The following ZSWIM5 variants were observed in gnomAD, a reference collection of about 807,000 sequenced individuals.
ZSWIM5 encodes the protein zinc finger SWIM domain-containing protein 5.
A neutral mutation model predicts 119.6 loss-of-function variants in ZSWIM5; 55 were observed. The ratio of observed to expected loss-of-function variants is 0.46; its 90% confidence interval spans 0.37 to 0.58. The LOEUF (loss-of-function observed/expected upper bound fraction) is 0.58. Among genes scored for constraint, ZSWIM5 ranks in the 20% least tolerant of loss-of-function variants. The pLI is 0.00. For synonymous variants in ZSWIM5, 537 were observed against 606.9 expected, an observed-to-expected ratio of 0.88 and a Z score of 1.69; for missense variants, 1,193 against 1,512.8, an observed-to-expected ratio of 0.79 and a Z score of 3.51.
chr1:45,035,170 C>T (rs565379097), intron 10 of ZSWIM5, among the ~76,000 whole-genome samples: 1 of 152,306 alleles, frequency 6.6e-6, no homozygotes, highest in African/African-American at 2.4e-5. Context: ...TACAGTCTGA[C>T]TAAAATTCTT....
At chr1:45,182,541 A>G (rs1646028016) in intron 1 of ZSWIM5, among the ~76,000 whole-genome samples, 2 of 152,330 alleles carry the variant, frequency 1.3e-5, no homozygotes, top group African/African-American at 2.4e-5. Context: ...TCAAAATAAA[A>G]GGATGGAGGA....
chr1:45,025,722 T>G (rs1644916620), intron 11 of ZSWIM5, among the ~76,000 whole-genome samples: 1 of 152,232 alleles, frequency 6.6e-6, no homozygotes, highest in Non-Finnish European at 1.5e-5. Context: ...AAATTGATTC[T>G]TTGGGATTCA....
At chr1:45,122,013 T>C (rs1435769616) in intron 1 of ZSWIM5, among the ~76,000 whole-genome samples, 1 of 152,218 alleles carries the variant, frequency 6.6e-6, no homozygotes, top group Admixed American at 6.5e-5. Context: ...GATCTCAAAT[T>C]ATACTGATTT....
chr1:45,067,360 G>C (rs1358433698), intron 2 of ZSWIM5, among the ~76,000 whole-genome samples: 4 of 151,574 alleles, frequency 2.6e-5, no homozygotes, highest in African/African-American at 9.7e-5. Flanking sequence ...GATCACCTGA[G>C]CCCAGGGAGA....
chr1:45,205,325 T>C (rs1384825107), intron 1 of ZSWIM5, among the ~76,000 whole-genome samples: 3 of 152,192 alleles, frequency 2.0e-5, no homozygotes, highest in Non-Finnish European at 4.4e-5. Flanking sequence ...CGAGACTCAA[T>C]CGGCTAGGGC....
At chr1:45,202,751 A>G (rs1646165380) in intron 1 of ZSWIM5, among the ~76,000 whole-genome samples, 2 of 152,100 alleles carry the variant, frequency 1.3e-5, no homozygotes, top group African/African-American at 4.8e-5. Flanking sequence ...CCTTCAATCA[A>G]TTCAGATTTT....
intron 1 of ZSWIM5, among the ~76,000 whole-genome samples, chr1:45,199,260 G>C (rs1646144652): frequency 6.6e-6 from 1 of 151,544 alleles, no homozygotes; most frequent in African/African-American, 2.4e-5. Flanking sequence ...AAAACCACTA[G>C]GCAGAAGGGT....
chr1:45,018,544 G>C lies in ZSWIM5; in HGVS notation c.3468C>G (p.His1156Gln). 1 of 1,614,194 alleles carries C rather than the reference G, an allele frequency of 6.2e-7. No homozygotes were observed. Among genetic ancestry groups the C allele is most frequent in the Non-Finnish European group, 8.5e-7 (1 of 1,180,028 alleles). ...TGTCGATGAACTGGGCAAACTGCAG[G>C]TGGCCATCCTGGGGCAGCAGGAAGG... Reference protein sequence around the residue: ...RETFLLPQDGHLQFAQFIDNL... With the variant: ...RETFLLPQDGQLQFAQFIDNL... The change falls in exon 14 of 14, where the codon CAC becomes CAG. Residue 1156 changes from histidine to glutamine, a missense_variant. By Grantham distance (24) the His-to-Gln change is conservative. Transcript: ENST00000359600. The surrounding 1 kb of genome is among the most constrained non-coding windows in gnomAD (Gnocchi z 6.7).
At chr1:45,195,017 C>T (rs1646113725) in intron 1 of ZSWIM5, among the ~76,000 whole-genome samples, 1 of 152,076 alleles carries the variant, frequency 6.6e-6, no homozygotes, top group South Asian at 2.1e-4. Flanking sequence ...TCCCCACTTC[C>T]CAAGTTAATC....
intron 2 of ZSWIM5, among the ~76,000 whole-genome samples, chr1:45,077,293 G>A (rs548536346): frequency 8.5e-5 from 13 of 152,194 alleles, no homozygotes; most frequent in Admixed American, 2.6e-4. Flanking sequence ...CCTAAGCGTC[G>A]GCTGGCTTGA....
intron 11 of ZSWIM5, among the ~76,000 whole-genome samples, chr1:45,027,528 C>G (rs1644927885): frequency 6.6e-6 from 1 of 151,956 alleles, no homozygotes; most frequent in Non-Finnish European, 1.5e-5. Flanking sequence ...TCCTGAGTAG[C>G]TGAGATTACA....
chr1:45,053,518 T>C (rs977047610), intron 4 of ZSWIM5, among the ~76,000 whole-genome samples: 1 of 151,624 alleles, frequency 6.6e-6, no homozygotes, highest in African/African-American at 2.4e-5. Flanking sequence ...TCCCAGTGCT[T>C]TGGGAGGCGG....
chr1:45,141,755 A>G (rs1044503831), intron 1 of ZSWIM5, among the ~76,000 whole-genome samples: 4 of 152,196 alleles, frequency 2.6e-5, no homozygotes, highest in African/African-American at 9.6e-5. Flanking sequence ...GTAGTATGAG[A>G]CAAAGTAGAC....
At chr1:45,087,683 T>C (rs1036248765) in intron 2 of ZSWIM5, among the ~76,000 whole-genome samples, 198 bp downstream of exon 2, 1 of 152,228 alleles carries the variant, frequency 6.6e-6, no homozygotes, top group Non-Finnish European at 1.5e-5. Context: ...GATACACAGT[T>C]GGACTGTTTT....
chr1:45,083,395 C>T (rs769123070), intron 2 of ZSWIM5, among the ~76,000 whole-genome samples: 6 of 152,074 alleles, frequency 3.9e-5, no homozygotes, highest in South Asian at 4.2e-4. Context: ...GGACCACAAG[C>T]GCACACTACC....
chr1:45,040,618 A>G (rs1645013314), intron 6 of ZSWIM5, 80 bp from the exon 7 acceptor site: 2 of 1,338,898 alleles, frequency 1.5e-6, no homozygotes, highest in African/African-American at 2.9e-5. Context: ...GAGAGTTTGT[A>G]TTCAGTCCAG....
At chr1:45,128,798 T>C (rs1376692950) in intron 1 of ZSWIM5, among the ~76,000 whole-genome samples, 2 of 152,210 alleles carry the variant, frequency 1.3e-5, no homozygotes, top group Non-Finnish European at 2.9e-5. Context: ...CTGCTACTAC[T>C]CCACAAACCT....
In ZSWIM5 at chr1:45,079,700, T is replaced by C. The variant is rs564179764; in HGVS notation, c.952+8181A>G. 3.3e-5 allele frequency among the ~76,000 whole-genome samples: 5 copies of C among 152,274 alleles called. No homozygotes were observed. In the East Asian group the frequency reaches 5.8e-4, roughly 18 times the overall value. ...CTCAAGTGGAAGGCATCTTGCCCCATAGCCACCACAGCTGGGAATGTCCTG... is the reference window on the plus strand; with the variant it reads ...CTCAAGTGGAAGGCATCTTGCCCCACAGCCACCACAGCTGGGAATGTCCTG... On this transcript the variant is annotated intron_variant, in intron 2 of 13. Transcript: ENST00000359600.
chr1:45,019,030 AC>A lies in ZSWIM5; in HGVS notation c.2981del (p.Gly994ValfsTer2). On this transcript the variant is annotated frameshift_variant, in exon 14 of 14. Transcript: ENST00000359600. LOFTEE classifies it high-confidence loss of function. The surrounding 1 kb of genome is among the most constrained non-coding windows in gnomAD (Gnocchi z 5.0). ...TGGTGAACAGCTGTGAATGGGTCAT[AC>A]CACCAGCAGCAGCATCAATGGCAAT... ...YQIAIDAAAG[G>X]MTHSQLFTIA... The A allele has an allele frequency of 6.2e-7, 1 of 1,614,180 alleles. No individual in the cohort carries two copies. The highest frequency in any genetic ancestry group is 8.5e-7 in the Non-Finnish European group (1 of 1,180,032).
Sources: allele counts gnomAD v4.1 joint callset (sites outside exome capture counted in the v4.1 genomes callset), GRCh38; gene constraint gnomAD v4.1.1; non-coding constraint Gnocchi (gnomAD v3.1); transcripts MANE v1.5; gene names NCBI Gene and HGNC (gene_info 2026-07-23, HGNC 2026-07-21).